MUC17: variants seen among roughly 807,000 people sequenced by gnomAD.
MUC17 encodes mucin 17, cell surface associated, also known as mucin-17.
In MUC17, 190 loss-of-function variants were observed where a neutral mutation model predicts 170.3. The observed-to-expected ratio is 1.12, with a 90% CI of 0.99 to 1.26. MUC17 has a LOEUF of 1.26. Ranked by LOEUF, MUC17 falls within the 50% of genes most tolerant of loss-of-function variation. MUC17 has a pLI of 0.00. For synonymous variants in MUC17, 2,325 were observed against 2,002.5 expected (o/e 1.16, Z -4.30); for missense variants, 6,415 against 5,530.0 (o/e 1.16, Z -5.08).
Position 101,033,714 on chromosome 7 carries a change from C to T in MUC17, c.2298C>T (p.Thr766=). The change falls in exon 3 of 13, where the codon ACC becomes ACT. Residue 766 remains threonine, a synonymous_variant. Transcript: ENST00000306151. ...TGTTGACCAGTTCTGAGGCTAGCAC[C>T]CTTTCAACAACTCCTCTTGACACAA... The part of the protein sequence containing the change: ...KTLLTSSEAS[T]LSTTPLDTST... 6.2e-7 allele frequency: 1 copy of T among 1,613,502 alleles called. No individual in the cohort carries two copies. Among genetic ancestry groups the T allele is most frequent in the Non-Finnish European group, 8.5e-7 (1 of 1,179,622 alleles).
chr7:101,049,822 A>G (rs1299650856), intron 6 of MUC17, among the ~76,000 whole-genome samples: 1 of 152,162 alleles, frequency 6.6e-6, no homozygotes, highest in Non-Finnish European at 1.5e-5. Flanking sequence ...TCTGGAGGTT[A>G]GGGCTTCAAT....
At position 101,034,395 on chromosome 7, in the gene MUC17, G is replaced by A. The variant is rs146041114; in HGVS notation, c.2979G>A (p.Thr993=). 201 of 1,606,180 alleles carry A rather than the reference G, an allele frequency of 1.3e-4. No individual in the cohort carries two copies. Among genetic ancestry groups the A allele is most frequent in the Middle Eastern group, 5.0e-4 (3 of 6,036 alleles). ...TPLTSTPVSH[T]LVANSEASTL... ...TAACAAGCACACCTGTCAGCCACACGCTGGTGGCCAATTCTGAGGCTAGCA... is the reference window on the plus strand; with the variant it reads ...TAACAAGCACACCTGTCAGCCACACACTGGTGGCCAATTCTGAGGCTAGCA... Residue 993 remains threonine, a synonymous_variant, in exon 3 of 13, where the codon ACG becomes ACA. Coordinates refer to ENST00000306151, the MANE Select transcript of MUC17 (RefSeq NM_001040105.2).
At position 101,036,859 on chromosome 7, in the gene MUC17, G is replaced by T; in HGVS notation, c.5443G>T (p.Val1815Phe). Residue 1815 changes from valine (V) to phenylalanine (F), a missense_variant, in exon 3 of 13, where the codon GTC becomes TTC. Coordinates refer to ENST00000306151, the MANE Select transcript of MUC17 (RefSeq NM_001040105.2). ...EGMTPLTSTPVSHTLVANSEA... is the reference protein window; with the variant it reads ...EGMTPLTSTPFSHTLVANSEA... ...AATGACTCCATTAACAAGCACACCT[G>T]TCAGCCACACGCTGGTGGCCAATTC... is the stretch of plus-strand genomic sequence containing the variant. 1 of 1,608,332 alleles carries T rather than the reference G, an allele frequency of 6.2e-7. No homozygotes were observed. Among genetic ancestry groups the T allele is most frequent in the Non-Finnish European group, 8.5e-7 (1 of 1,177,624 alleles).
intron 12 of MUC17, among the ~76,000 whole-genome samples, chr7:101,057,396 G>A (rs1795065817): frequency 6.6e-6 from 1 of 152,170 alleles, no homozygotes; most frequent in Non-Finnish European, 1.5e-5. Flanking sequence ...CTGGCGGGGA[G>A]GGGAAGGCAC....
chr7:101,039,298 C>G lies in MUC17; in HGVS notation c.7882C>G (p.Pro2628Ala). ...AGATACCAGCATGCCAATCTCAACT[C>G]CTAGTGAAGTAAGTACTTCATTAAC... ...AKDTSMPIST[P>A]SEVSTSLTSI... The change falls in exon 3 of 13, where the codon CCT becomes GCT. Residue 2628 changes from proline to alanine, a missense_variant. Transcript: ENST00000306151. 6.2e-7 allele frequency: 1 copy of G among 1,611,670 alleles called. No homozygotes were observed. The highest frequency in any genetic ancestry group is 1.1e-5 in the South Asian group (1 of 90,900).
chr7:101,040,745 T>A lies in MUC17; in HGVS notation c.9329T>A (p.Val3110Glu), dbSNP rs564128347. The A allele has an allele frequency of 4.7e-5, 76 of 1,613,102 alleles. 2 individuals carry two copies. Among genetic ancestry groups the A allele is most frequent in the Non-Finnish European group, 6.2e-5 (73 of 1,179,786 alleles). Reference protein sequence around the residue: ...YSEGSTPLTGVPVSTTPVTSS... With the variant: ...YSEGSTPLTGEPVSTTPVTSS... ...GAAGGAAGCACTCCATTAACAGGTG[T>A]GCCTGTCAGCACCACACCGGTGACC... Residue 3110 changes from valine (V) to glutamate (E), a missense_variant, in exon 3 of 13, where the codon GTG becomes GAG. Coordinates refer to ENST00000306151, the MANE Select transcript of MUC17 (RefSeq NM_001040105.2).
chr7:101,041,517 C>A lies in MUC17; in HGVS notation c.10101C>A (p.Thr3367=). The A allele has an allele frequency of 6.2e-7, 1 of 1,613,748 alleles. No individual in the cohort carries two copies. The highest frequency in any genetic ancestry group is 8.5e-7 in the Non-Finnish European group (1 of 1,179,906). ...ASTLSTTPVD[T]STPVTTSTEA... ...CCCTTTCCACAACTCCTGTTGACAC[C>A]AGCACACCTGTCACCACTTCTACTG... The change falls in exon 3 of 13, where the codon ACC becomes ACA. Residue 3367 remains threonine, a synonymous_variant. Transcript: ENST00000306151.
In MUC17 at chr7:101,041,525, C is replaced by T. The variant is rs556858669; in HGVS notation, c.10109C>T (p.Pro3370Leu). Reference sequence around the variant, plus strand: ...ACAACTCCTGTTGACACCAGCACACCTGTCACCACTTCTACTGAAGCCAGT... The same window carrying T: ...ACAACTCCTGTTGACACCAGCACACTTGTCACCACTTCTACTGAAGCCAGT... Reference protein sequence around the residue: ...LSTTPVDTSTPVTTSTEASLS... With the variant: ...LSTTPVDTSTLVTTSTEASLS... Residue 3370 changes from proline to leucine, a missense_variant, in exon 3 of 13, where the codon CCT (proline) becomes CTT (leucine). Coordinates refer to ENST00000306151, the MANE Select transcript of MUC17 (RefSeq NM_001040105.2). 3.3e-5 allele frequency: 53 copies of T among 1,613,134 alleles called. No homozygotes were observed. In the South Asian group the frequency reaches 5.7e-4, roughly 17 times the overall value.
chr7:101,043,952 T>C (rs531256286), intron 3 of MUC17, 133 bp downstream of exon 3: 3 of 833,860 alleles, frequency 3.6e-6, no homozygotes, highest in Non-Finnish European at 5.5e-6. Context: ...TAACTCATCA[T>C]TTACATTAGG....
In MUC17 at chr7:101,020,130, G is replaced by C; in HGVS notation, c.-6G>C. 1 of 1,593,004 alleles carries C rather than the reference G, an allele frequency of 6.3e-7. No homozygotes were observed. The highest frequency in any genetic ancestry group is 8.5e-7 in the Non-Finnish European group (1 of 1,169,622). On this transcript the variant is annotated 5_prime_UTR_variant, in exon 1 of 13. Coordinates refer to ENST00000306151, the MANE Select transcript of MUC17 (RefSeq NM_001040105.2). ...GACAGGCAAGTGAGACGTGCTCAGA[G>C]CTCCGATGCCAAGGCCAGGGACCAT...
In MUC17 at chr7:101,032,524, G is replaced by A; in HGVS notation, c.1108G>A (p.Glu370Lys). The change falls in exon 3 of 13, where the codon GAA becomes AAA. Residue 370 changes from glutamate (E) to lysine (K), a missense_variant. Transcript: ENST00000306151. ...DTSTLVTTST[E>K]PSSLPTTAEA... is the part of the protein sequence containing the mutation. ...CAGCACACTTGTGACCACTTCTACT[G>A]AACCCAGTTCACTTCCTACAACTGC... The A allele has an allele frequency of 6.2e-7, 1 of 1,613,754 alleles. No individual in the cohort carries two copies. The highest frequency in any genetic ancestry group is 8.5e-7 in the Non-Finnish European group (1 of 1,179,940).
chr7:101,053,704 C>G, intron 11 of MUC17: 1 of 246,530 alleles, frequency 4.1e-6, no homozygotes, highest in Non-Finnish European at 7.8e-6. Flanking sequence ...ATAGTGAAAC[C>G]CTGTCTCTAC....
At position 101,036,020 on chromosome 7, in the gene MUC17, C is replaced by G. The variant is rs780765012; in HGVS notation, c.4604C>G (p.Ser1535Ter). Reference protein sequence around the residue: ...TVASSEINSLSTTPAVTSTPV... With the variant: ...TVASSEINSL ...GCCAGTTCTGAAATCAACAGCCTTTCAACAACTCCTGCTGTCACCAGCACA... is the reference window on the plus strand; with the variant it reads ...GCCAGTTCTGAAATCAACAGCCTTTGAACAACTCCTGCTGTCACCAGCACA... The change falls in exon 3 of 13, where the codon TCA (serine) becomes TGA (stop). Residue 1535 changes from serine (S) to a stop codon, truncating the protein, a stop_gained. Coordinates refer to ENST00000306151, the MANE Select transcript of MUC17 (RefSeq NM_001040105.2). LOFTEE classifies it high-confidence loss of function. 3.1e-6 allele frequency: 5 copies of G among 1,612,028 alleles called. No homozygotes were observed. Among genetic ancestry groups the G allele is most frequent in the Admixed American group, 3.3e-5 (2 of 59,910 alleles).
Position 101,031,719 on chromosome 7 carries a change from C to T in MUC17, c.303C>T (p.Asp101=), listed in dbSNP as rs113023465. The T allele has an allele frequency of 2.5e-6, 4 of 1,611,916 alleles. No individual in the cohort carries two copies. Among genetic ancestry groups the T allele is most frequent in the Non-Finnish European group, 2.5e-6 (3 of 1,178,224 alleles). ...CGATTGAGTCCAGTGTGACTTCAGACACTCCTGGTGTCTCCAGTACCAGGA... is the reference window on the plus strand; with the variant it reads ...CGATTGAGTCCAGTGTGACTTCAGATACTCCTGGTGTCTCCAGTACCAGGA... ...MTSIESSVTS[D]TPGVSSTRMT... The change falls in exon 3 of 13, where the codon GAC becomes GAT. Residue 101 remains aspartate, a synonymous_variant. Transcript: ENST00000306151.
At position 101,020,127 on chromosome 7, in the gene MUC17, A is replaced by G. The variant is rs1023146898; in HGVS notation, c.-9A>G. 6.3e-7 allele frequency: 1 copy of G among 1,591,020 alleles called. No homozygotes were observed. The highest frequency in any genetic ancestry group is 8.6e-7 in the Non-Finnish European group (1 of 1,168,648). Reference sequence around the variant, plus strand: ...GGTGACAGGCAAGTGAGACGTGCTCAGAGCTCCGATGCCAAGGCCAGGGAC... The same window carrying G: ...GGTGACAGGCAAGTGAGACGTGCTCGGAGCTCCGATGCCAAGGCCAGGGAC... On this transcript the variant is annotated 5_prime_UTR_variant, in exon 1 of 13. Transcript: ENST00000306151.
intron 11 of MUC17, 36 bp downstream of exon 11, chr7:101,053,472 A>G (rs778566129): frequency 1.9e-6 from 3 of 1,556,206 alleles, no homozygotes; most frequent in Non-Finnish European, 2.7e-6. Context: ...GAATGGCTCA[A>G]AATGTGGAAA....
At chr7:101,024,556 T>C (rs1794148285) in intron 1 of MUC17, among the ~76,000 whole-genome samples, 1 of 151,892 alleles carries the variant, frequency 6.6e-6, no homozygotes, top group African/African-American at 2.4e-5. Context: ...AGTGGGGAGG[T>C]AGTTGCCTGG....
rs572243902 is a variant in MUC17, at chr7:101,021,831, G to A, written c.82+1614G>A. ...GAGCCTCACCCCTGCTGAAGTCATG[G>A]GGCTGGGGATACCAGGGCAGGGCGT... On this transcript the variant is annotated intron_variant, in intron 1 of 12. Coordinates refer to ENST00000306151, the MANE Select transcript of MUC17 (RefSeq NM_001040105.2). 2.7e-4 allele frequency among the ~76,000 whole-genome samples: 41 copies of A among 152,294 alleles called. 1 individual carries two copies. Among genetic ancestry groups the A allele is most frequent in the African/African-American group, 9.1e-4 (38 of 41,554 alleles).
intron 3 of MUC17, 117 bp from the exon 4 acceptor site, chr7:101,047,867 G>A (rs1446081205): frequency 7.4e-6 from 9 of 1,220,720 alleles, no homozygotes; most frequent in South Asian, 4.3e-5. Flanking sequence ...CCGTGCAAAC[G>A]CATTGTAAGC....
Sources: allele counts gnomAD v4.1 joint callset (sites outside exome capture counted in the v4.1 genomes callset), GRCh38; gene constraint gnomAD v4.1.1; transcripts MANE v1.5; gene names NCBI Gene and HGNC (gene_info 2026-07-23, HGNC 2026-07-21).